MICAL3: variants seen among roughly 807,000 people sequenced by gnomAD.
MICAL3 encodes the protein [F-actin]-monooxygenase MICAL3.
MICAL3 carries 62 observed loss-of-function variants against 207.4 expected under a neutral mutation model. The observed-to-expected ratio is 0.30, with a 90% CI of 0.24 to 0.37. MICAL3 has a LOEUF of 0.37. Among genes scored for constraint, MICAL3 ranks in the 10% least tolerant of loss-of-function variants. MICAL3 has a pLI of 1.00. For missense variants in MICAL3, 2,368 were observed against 2,635.6 expected, an observed-to-expected ratio of 0.90 and a Z score of 2.22; for synonymous variants, 1,077 against 1,069.3, an observed-to-expected ratio of 1.01 and a Z score of -0.14.
At chr22:17,874,878 G>A (rs544284556) in intron 16 of MICAL3, among the ~76,000 whole-genome samples, 161 of 152,246 alleles carry the variant, frequency 1.1e-3, no homozygotes, top group African/African-American at 3.6e-3. Context: ...ATGCTACCAT[G>A]CACATAGGAC....
At chr22:18,009,852 G>C (rs1923610512) in intron 1 of MICAL3, among the ~76,000 whole-genome samples, 1 of 77,820 alleles carries the variant, frequency 1.3e-5, no homozygotes, top group Admixed American at 1.1e-4. Context: ...CTGGGTAACA[G>C]AGTGGGACCC....
chr22:17,801,611 G>A (rs1372364863), intron 29 of MICAL3, among the ~76,000 whole-genome samples: 11 of 152,012 alleles, frequency 7.2e-5, no homozygotes, highest in Admixed American at 7.2e-4. Context: ...CAGGAGATGC[G>A]GGCTGGGCGC....
chr22:18,001,126 G>A (rs1478553013), intron 1 of MICAL3: 1 of 152,154 alleles, frequency 6.6e-6, no homozygotes, highest in Admixed American at 6.5e-5. Flanking sequence ...GACCACACGG[G>A]AACGCGAGGC....
intron 1 of MICAL3, among the ~76,000 whole-genome samples, chr22:17,940,458 G>A (rs1361733823): frequency 6.6e-6 from 1 of 152,136 alleles, no homozygotes; most frequent in Non-Finnish European, 1.5e-5. Context: ...TAAGAAAACT[G>A]ATTCTGATGA....
At chr22:17,850,283 A>G (rs1925157731) in intron 19 of MICAL3, among the ~76,000 whole-genome samples, 1 of 152,130 alleles carries the variant, frequency 6.6e-6, no homozygotes, top group African/African-American at 2.4e-5. Flanking sequence ...CTGTTTCCCA[A>G]GCATGCCGAG....
Position 17,807,814 on chromosome 22 carries a change from C to A in MICAL3, c.5650+1030G>T, listed in dbSNP as rs1435176393. Among the ~76,000 whole-genome samples, 4 of 152,236 alleles carry A rather than the reference C, an allele frequency of 2.6e-5. 1 individual carries two copies. Among genetic ancestry groups the A allele is most frequent in the African/African-American group, 4.8e-5 (2 of 41,468 alleles). ...TGCTCCTGGCCGCCTCCTCCCAGTT[C>A]GTCCATTTCACAGAGAGCCTGCCTG... On this transcript the variant is annotated intron_variant, in intron 29 of 31. Transcript: ENST00000441493.
At chr22:17,970,153 C>G (rs140423605) in intron 1 of MICAL3, among the ~76,000 whole-genome samples, 1 of 152,216 alleles carries the variant, frequency 6.6e-6, no homozygotes, top group Non-Finnish European at 1.5e-5. Context: ...GCTCTTCTCT[C>G]GGTCCCACCT....
chr22:17,863,593 G>T, intron 19 of MICAL3: 1 of 985,390 alleles, frequency 1.0e-6, no homozygotes, highest in Non-Finnish European at 1.2e-6. Context: ...CCACCTGCAG[G>T]GTACTTAAAA....
chr22:17,878,142 C>T (rs766706566), intron 16 of MICAL3, among the ~76,000 whole-genome samples: 8 of 151,756 alleles, frequency 5.3e-5, no homozygotes, highest in East Asian at 1.9e-4. Flanking sequence ...CCTGAGCCAC[C>T]GCACCCGGCC....
intron 17 of MICAL3, among the ~76,000 whole-genome samples, chr22:17,867,630 C>A (rs984662916): frequency 6.6e-6 from 1 of 152,222 alleles, no homozygotes; most frequent in Non-Finnish European, 1.5e-5. Context: ...ACTCCCTCCA[C>A]CCCACCCAGG....
chr22:17,981,516 A>G (rs1162778357), intron 1 of MICAL3, among the ~76,000 whole-genome samples: 2 of 151,952 alleles, frequency 1.3e-5, no homozygotes, highest in African/African-American at 4.8e-5. Flanking sequence ...GCAATGTTAA[A>G]TTTTTTTTCA....
chr22:17,957,447 G>A (rs572900585), intron 1 of MICAL3, among the ~76,000 whole-genome samples: 3 of 152,168 alleles, frequency 2.0e-5, no homozygotes, highest in East Asian at 3.9e-4. Flanking sequence ...GCCTGGGCTC[G>A]ATGGCTCACG....
chr22:17,851,134 A>G (rs1434228746), intron 19 of MICAL3, among the ~76,000 whole-genome samples: 1 of 152,226 alleles, frequency 6.6e-6, no homozygotes, highest in Non-Finnish European at 1.5e-5. Context: ...CAGAAAGGGT[A>G]GCGGTTATGC....
At chr22:17,975,775 G>A (rs999285022) in intron 1 of MICAL3, among the ~76,000 whole-genome samples, 17 of 152,114 alleles carry the variant, frequency 1.1e-4, no homozygotes, top group Non-Finnish European at 5.9e-5. Flanking sequence ...CTCATGTTTG[G>A]GACACAGGAT....
At chr22:17,975,210 G>A (rs150282745) in intron 1 of MICAL3, among the ~76,000 whole-genome samples, 9 of 152,282 alleles carry the variant, frequency 5.9e-5, no homozygotes, top group African/African-American at 2.2e-4. Context: ...GCAAGAAGCC[G>A]CAGTCAAGCT....
At chr22:18,013,846 G>A (rs902681334) in intron 1 of MICAL3, among the ~76,000 whole-genome samples, 4 of 152,112 alleles carry the variant, frequency 2.6e-5, no homozygotes, top group Non-Finnish European at 5.9e-5. Context: ...TGTTGCCCAG[G>A]CTGGCATGCA....
chr22:17,886,341 T>C (rs1010963628), intron 15 of MICAL3, among the ~76,000 whole-genome samples: 2 of 152,196 alleles, frequency 1.3e-5, no homozygotes, highest in Admixed American at 1.3e-4. Flanking sequence ...TGGTGTGCTC[T>C]GGAAAATTAA....
At chr22:17,926,304 T>A (rs1375392076) in intron 1 of MICAL3, among the ~76,000 whole-genome samples, 3 of 152,094 alleles carry the variant, frequency 2.0e-5, no homozygotes, top group African/African-American at 4.8e-5. Context: ...AAAAGGAATA[T>A]CCCAGGGGAG....
intron 1 of MICAL3, among the ~76,000 whole-genome samples, chr22:18,023,990 G>T (rs1924645449): frequency 6.6e-6 from 1 of 152,200 alleles, no homozygotes; most frequent in African/African-American, 2.4e-5. Context: ...ACGTGGCTGG[G>T]AGACAGCCCT....
Sources: allele counts gnomAD v4.1 joint callset (sites outside exome capture counted in the v4.1 genomes callset), GRCh38; gene constraint gnomAD v4.1.1; transcripts MANE v1.5; gene names NCBI Gene and HGNC (gene_info 2026-07-23, HGNC 2026-07-21).